RBFOX1: variants seen among roughly 807,000 people sequenced by gnomAD.
RBFOX1 encodes RNA binding fox-1 homolog 1, also known as RNA binding protein fox-1 homolog 1.
Under a neutral mutation model 57.7 loss-of-function variants are expected in RBFOX1, and 8 were observed. The ratio of observed to expected loss-of-function variants is 0.14; its 90% CI spans 0.08 to 0.25. The LOEUF (loss-of-function observed/expected upper bound fraction) is 0.25, where lower values mean the gene tolerates loss of function less well. RBFOX1 is among the 10% of genes least tolerant of loss of function. The pLI is 1.00. For synonymous variants in RBFOX1, 326 were observed against 222.4 expected, an observed-to-expected ratio of 1.47 and a Z score of -4.15; for missense variants, 611 against 548.5, an observed-to-expected ratio of 1.11 and a Z score of -1.14.
intron 4 of RBFOX1, among the ~76,000 whole-genome samples, chr16:7,321,771 A>G (rs369486727): frequency 2.0e-5 from 3 of 152,374 alleles, no homozygotes. Flanking sequence ...GAGGTCACTC[A>G]GAGTGGTTCC....
intron 4 of RBFOX1, among the ~76,000 whole-genome samples, chr16:7,320,568 A>T (rs1226269804): frequency 6.6e-6 from 1 of 152,338 alleles, no homozygotes; most frequent in East Asian, 1.9e-4. Context: ...CTAGTCCAGA[A>T]TCTATTAGTT....
At chr16:7,397,732 A>C (rs1294484162) in intron 4 of RBFOX1, among the ~76,000 whole-genome samples, 2 of 152,064 alleles carry the variant, frequency 1.3e-5, no homozygotes, top group Admixed American at 6.6e-5. Flanking sequence ...ATGTGTATTC[A>C]CTCTTAGTTT....
At position 7,304,333 on chromosome 16, in the gene RBFOX1, C is replaced by A. The variant is rs1023164057; in HGVS notation, c.28-213814C>A. ...ATTGTAGCGCCCAGGCAGAGAGCAA[C>A]GTGATTGCATTCAAGCGTCCCCACT... On this transcript the variant is annotated intron_variant, in intron 4 of 15. Coordinates refer to ENST00000550418, the MANE Select transcript of RBFOX1 (RefSeq NM_018723.4). 4.4e-5 allele frequency: 43 copies of A among 985,042 alleles called. No individual in the cohort carries two copies. In the African/African-American group the frequency reaches 6.5e-4, roughly 15 times the overall value. 61.0% of individuals were successfully genotyped at this position (985,042 alleles called of 1,614,324 possible). A position where few individuals can be genotyped will look rare whatever the true frequency, so the allele number is the denominator to read the frequency against.
intron 3 of RBFOX1, among the ~76,000 whole-genome samples, chr16:6,670,064 C>T (rs2098754623): frequency 6.6e-6 from 1 of 152,022 alleles, no homozygotes; most frequent in South Asian, 2.1e-4. Flanking sequence ...CTCTAGTGTC[C>T]ACGTTGGAGT....
intron 3 of RBFOX1, among the ~76,000 whole-genome samples, chr16:5,682,005 T>C (rs1336136737): frequency 6.6e-6 from 1 of 152,090 alleles, no homozygotes; most frequent in Admixed American, 6.5e-5. Context: ...ATGCGTAATA[T>C]ATATATGAGC....
At position 5,999,867 on chromosome 16, in the gene RBFOX1, C is replaced by CA. The variant is rs869221577; in HGVS notation, c.351+132572dup. ...TGGGCGACAGAGCGAGACTCCACCT[C>CA]AAAAAAAAAAAAAAAAAAAAAAAAA... On this transcript the variant is annotated intron_variant, in intron 4 of 19. Coordinates refer to the RBFOX1 transcript ENST00000641259. Among the ~76,000 whole-genome samples the CA allele has an allele frequency of 2.5e-4, 7 of 27,674 alleles. 1 individual carries two copies. The highest frequency in any genetic ancestry group is 4.5e-4 in the African/African-American group (3 of 6,640). 18.2% of individuals were successfully genotyped at this position (27,674 alleles called of 152,430 possible). A position where few individuals can be genotyped will look rare whatever the true frequency, so the allele number is the denominator to read the frequency against.
intron 1 of RBFOX1, among the ~76,000 whole-genome samples, chr16:6,107,109 C>T (rs2096390193): frequency 2.0e-5 from 3 of 152,212 alleles, no homozygotes; most frequent in Admixed American, 1.3e-4. Flanking sequence ...GAGATGAACA[C>T]AGTCCTTGGA....
At chr16:7,621,485 C>G (rs2059312178) in intron 10 of RBFOX1, among the ~76,000 whole-genome samples, 1 of 152,170 alleles carries the variant, frequency 6.6e-6, no homozygotes, top group South Asian at 2.1e-4. Flanking sequence ...TGGTCTTGAA[C>G]TCCTGGCCTC....
At chr16:6,488,335 G>C (rs937529511) in intron 2 of RBFOX1, among the ~76,000 whole-genome samples, 4 of 152,166 alleles carry the variant, frequency 2.6e-5, no homozygotes, top group Non-Finnish European at 5.9e-5. Context: ...TGTAAGTACA[G>C]GTCTTCCATT....
chr16:5,532,173 T>C (rs973662716), intron 2 of RBFOX1, among the ~76,000 whole-genome samples: 18 of 152,166 alleles, frequency 1.2e-4, no homozygotes, highest in Non-Finnish European at 2.4e-4. Context: ...TAGAAAATTC[T>C]TGGTCATGGT....
At chr16:6,598,487 ATAAAG>A in intron 2 of RBFOX1, among the ~76,000 whole-genome samples, 1 of 152,356 alleles carries the variant, frequency 6.6e-6, no homozygotes, top group East Asian at 1.9e-4. Flanking sequence ...TCTGTAGAAA[ATAAAG>A]AGGACGTCAG....
At chr16:7,324,639 A>G (rs2096587786) in intron 4 of RBFOX1, among the ~76,000 whole-genome samples, 1 of 152,192 alleles carries the variant, frequency 6.6e-6, no homozygotes, top group Non-Finnish European at 1.5e-5. Context: ...TCAGAGGAGA[A>G]TCAGGTCAGG....
intron 3 of RBFOX1, among the ~76,000 whole-genome samples, chr16:5,710,509 A>G (rs1412800545): frequency 6.6e-6 from 1 of 152,148 alleles, no homozygotes; most frequent in African/African-American, 2.4e-5. Context: ...AATTGTCTGT[A>G]TTATGAGGAT....
At chr16:6,439,415 C>T (rs189534217) in intron 2 of RBFOX1, among the ~76,000 whole-genome samples, 18 of 152,294 alleles carry the variant, frequency 1.2e-4, no homozygotes, top group African/African-American at 3.6e-4. Flanking sequence ...GCTCTTACCC[C>T]GGGCTGTGCC....
intron 1 of RBFOX1, among the ~76,000 whole-genome samples, chr16:6,141,179 C>A (rs925523114): frequency 6.6e-6 from 1 of 152,212 alleles, no homozygotes; most frequent in African/African-American, 2.4e-5. Flanking sequence ...AGTACCTTAG[C>A]CCATCACCAT....
At position 7,587,311 on chromosome 16, in the gene RBFOX1, T is replaced by C. The variant is rs781375390; in HGVS notation, c.468+11T>C. The C allele has an allele frequency of 1.9e-6, 3 of 1,548,342 alleles. No individual in the cohort carries two copies. Among genetic ancestry groups the C allele is most frequent in the South Asian group, 2.5e-5 (2 of 78,718 alleles). The stretch of plus-strand genomic sequence containing the variant: ...GAGCGAGGCTCAAAGGTAAGCAACT[T>C]AATTCACTTTAGAATTGTTTAGTTT... On this transcript the variant is annotated intron_variant, in intron 7 of 15. Transcript: ENST00000550418.
At chr16:6,366,552 C>T (rs1412302411) in intron 2 of RBFOX1, among the ~76,000 whole-genome samples, 1 of 152,182 alleles carries the variant, frequency 6.6e-6, no homozygotes, top group Non-Finnish European at 1.5e-5. Context: ...CTATATCACC[C>T]TTCAAGGGGG....
intron 1 of RBFOX1, among the ~76,000 whole-genome samples, chr16:6,226,946 T>TA (rs573474385): frequency 0.043 from 4,348 of 101,008 alleles, 162 homozygotes; most frequent in African/African-American, 0.1. Flanking sequence ...CCATCTCTAC[T>TA]AAAAAAAAAA....
chr16:6,987,755 G>A (rs945633157), intron 3 of RBFOX1, among the ~76,000 whole-genome samples: 2 of 152,210 alleles, frequency 1.3e-5, no homozygotes, highest in African/African-American at 2.4e-5. Flanking sequence ...GCCTCTTGCA[G>A]ATAGCAGAGG....
Sources: gnomAD v4.1 joint callset for allele counts (sites outside exome capture counted in the v4.1 genomes callset) on GRCh38, gnomAD v4.1.1 for gene constraint, MANE v1.5 for transcripts, NCBI Gene and HGNC (gene_info 2026-07-23, HGNC 2026-07-21) for gene names.